TRPC4: variants seen among roughly 807,000 people sequenced by gnomAD.
TRPC4 encodes the protein transient receptor potential cation channel subfamily C member 4.
In TRPC4, 49 loss-of-function variants were observed where a neutral mutation model predicts 99.4. The ratio of observed to expected loss-of-function variants is 0.49; its 90% CI spans 0.39 to 0.63. TRPC4 has a LOEUF of 0.63. TRPC4 is among the 20% of genes least tolerant of loss of function. The pLI is 0.00. For missense variants in TRPC4, 898 were observed against 1,152.9 expected (o/e 0.78, Z 3.20); for synonymous variants, 454 against 425.9 (o/e 1.07, Z -0.81).
chr13:37,806,232 A>G (rs1217104525), intron 1 of TRPC4, among the ~76,000 whole-genome samples: 2 of 152,062 alleles, frequency 1.3e-5, no homozygotes, highest in Admixed American at 1.3e-4. Context: ...AGACTATCAA[A>G]CAATTAACAA....
At chr13:37,746,652 T>C (rs1181746347) in intron 2 of TRPC4, among the ~76,000 whole-genome samples, 197 bp from the exon 3 acceptor site, 1 of 151,590 alleles carries the variant, frequency 6.6e-6, no homozygotes, top group Non-Finnish European at 1.5e-5. Context: ...TCCAATATGA[T>C]GCATTATTCT....
intron 3 of TRPC4, among the ~76,000 whole-genome samples, chr13:37,732,309 G>A (rs185883113): frequency 1.2e-3 from 176 of 152,184 alleles, no homozygotes; most frequent in African/African-American, 4.0e-3. Flanking sequence ...TGAAGAAAGA[G>A]TAGGATCTAG....
intron 8 of TRPC4, among the ~76,000 whole-genome samples, chr13:37,641,331 G>C (rs531099311): frequency 6.6e-6 from 1 of 152,296 alleles, no homozygotes; most frequent in Non-Finnish European, 1.5e-5. Flanking sequence ...GCGTTATTCA[G>C]TTTATATAGT....
chr13:37,707,119 C>T (rs942916589), intron 3 of TRPC4, among the ~76,000 whole-genome samples: 5 of 152,184 alleles, frequency 3.3e-5, no homozygotes, highest in African/African-American at 7.2e-5. Context: ...TATCAACATT[C>T]GACTTGTGCA....
At chr13:37,667,920 A>G (rs546892104) in intron 5 of TRPC4, among the ~76,000 whole-genome samples, 5 of 152,348 alleles carry the variant, frequency 3.3e-5, no homozygotes, top group African/African-American at 1.2e-4. Flanking sequence ...TCATTCATCA[A>G]GTATACATGA....
chr13:37,692,369 T>G (rs574556401), intron 3 of TRPC4, 34 bp from the exon 4 acceptor site: 30 of 1,572,200 alleles, frequency 1.9e-5, no homozygotes, highest in Non-Finnish European at 2.5e-5. Flanking sequence ...GAAAAATAAG[T>G]CACAGTTACA....
chr13:37,641,037 T>A (rs1951700014), intron 8 of TRPC4, among the ~76,000 whole-genome samples: 1 of 152,152 alleles, frequency 6.6e-6, no homozygotes, highest in Non-Finnish European at 1.5e-5. Context: ...TAAATTTCTT[T>A]AACATCAAAC....
chr13:37,753,891 A>G (rs532500621), intron 2 of TRPC4, among the ~76,000 whole-genome samples: 11 of 152,032 alleles, frequency 7.2e-5, no homozygotes, highest in African/African-American at 1.2e-4. Flanking sequence ...TCAGCTGACT[A>G]TGAGTAAGGG....
At chr13:37,815,757 T>C (rs1957834877) in intron 1 of TRPC4, among the ~76,000 whole-genome samples, 1 of 151,710 alleles carries the variant, frequency 6.6e-6, no homozygotes, top group African/African-American at 2.4e-5. Context: ...TGACAGTTGA[T>C]CAAACAGGCC....
In TRPC4 at chr13:37,635,647, C is replaced by T. The variant is rs773597694; in HGVS notation, c.*1256G>A. Among the ~76,000 whole-genome samples the T allele has an allele frequency of 1.1e-4, 16 of 151,916 alleles. No individual in the cohort carries two copies. Among genetic ancestry groups the T allele is most frequent in the Admixed American group, 2.0e-4 (3 of 15,238 alleles). On this transcript the variant is annotated 3_prime_UTR_variant, in exon 11 of 11. Transcript: ENST00000379705. Reference sequence around the variant, plus strand: ...AATTTTATGTGGTGAAGAAACTTCCCGTAGTGGCTTAAATAGACACAAGCA... The same window carrying T: ...AATTTTATGTGGTGAAGAAACTTCCTGTAGTGGCTTAAATAGACACAAGCA...
intron 8 of TRPC4, among the ~76,000 whole-genome samples, chr13:37,644,944 G>T (rs1404252627): frequency 6.1e-5 from 9 of 147,634 alleles, no homozygotes; most frequent in Non-Finnish European, 1.2e-4. Context: ...TGTTAAACTA[G>T]ATTGGTTGTG....
Position 37,864,443 on chromosome 13 carries a change from A to G in TRPC4, c.-28+5152T>C, listed in dbSNP as rs13378202. 4.9e-3 allele frequency among the ~76,000 whole-genome samples: 744 copies of G among 151,812 alleles called. 6 individuals carry two copies. The highest frequency in any genetic ancestry group is 0.017 in the African/African-American group (699 of 41,534). ...GTGGGTAAATTATTTTTGTAACATA[A>G]GAAATAATATGGTACTCAATATATT... On this transcript the variant is annotated intron_variant, in intron 1 of 10. Transcript: ENST00000379705.
In TRPC4 at chr13:37,785,857, T is replaced by C. The variant is rs61955559; in HGVS notation, c.-27-2497A>G. Reference sequence around the variant, plus strand: ...GGAGAACTTTGAGGAAGAGGGAAGATAAAAATAAATTAAGCTTACTAATAT... The same window carrying C: ...GGAGAACTTTGAGGAAGAGGGAAGACAAAAATAAATTAAGCTTACTAATAT... On this transcript the variant is annotated intron_variant, in intron 1 of 10. Transcript: ENST00000379705. Among the ~76,000 whole-genome samples the C allele has an allele frequency of 9.3e-4, 141 of 152,062 alleles. 1 individual carries two copies. The highest frequency in any genetic ancestry group is 1.5e-3 in the Non-Finnish European group (105 of 67,968).
intron 3 of TRPC4, among the ~76,000 whole-genome samples, chr13:37,730,083 C>T (rs886958236): frequency 4.6e-5 from 7 of 152,064 alleles, no homozygotes; most frequent in Non-Finnish European, 1.0e-4. Flanking sequence ...AGAAAGACAG[C>T]TGGCTAATCC....
intron 2 of TRPC4, among the ~76,000 whole-genome samples, chr13:37,767,937 A>G (rs1956429559): frequency 6.6e-6 from 1 of 151,392 alleles, no homozygotes. Flanking sequence ...TTGCAAATAA[A>G]TAGTATCTAA....
chr13:37,743,092 A>T (rs1195746674), intron 3 of TRPC4, among the ~76,000 whole-genome samples: 4 of 152,122 alleles, frequency 2.6e-5, no homozygotes, highest in Non-Finnish European at 5.9e-5. Context: ...AAGGAAAAAA[A>T]TCCCAATACA....
At chr13:37,775,139 A>G (rs1178634567) in intron 2 of TRPC4, among the ~76,000 whole-genome samples, 1 of 151,664 alleles carries the variant, frequency 6.6e-6, no homozygotes, top group Non-Finnish European at 1.5e-5. Flanking sequence ...TTTAATGTAA[A>G]CTCATTCTTT....
chr13:37,832,942 C>T (rs1202440932), intron 1 of TRPC4, among the ~76,000 whole-genome samples: 1 of 151,984 alleles, frequency 6.6e-6, no homozygotes, highest in Non-Finnish European at 1.5e-5. Context: ...TTTATTTATC[C>T]TACTATGTCT....
At chr13:37,639,426 G>A (rs1951646437) in intron 8 of TRPC4, 127 bp from the exon 9 acceptor site, 8 of 884,078 alleles carry the variant, frequency 9.0e-6, no homozygotes, top group Non-Finnish European at 1.4e-5. Context: ...ACTAGTCAAT[G>A]GACAATGGCT....
Sources: allele counts gnomAD v4.1 joint callset (sites outside exome capture counted in the v4.1 genomes callset), GRCh38; gene constraint gnomAD v4.1.1; transcripts MANE v1.5; gene names NCBI Gene and HGNC (gene_info 2026-07-23, HGNC 2026-07-21).